TNXB: variants seen among roughly 807,000 people sequenced by gnomAD.
The protein encoded by TNXB is tenascin-X.
TNXB carries 183 observed loss-of-function variants against 340.5 expected under a neutral mutation model. The ratio of observed to expected loss-of-function variants is 0.54; its 90% CI spans 0.48 to 0.61. The LOEUF (loss-of-function observed/expected upper bound fraction) is 0.61. Among genes scored for constraint, TNXB ranks in the 20% least tolerant of loss-of-function variants. The pLI, the probability that TNXB is intolerant of heterozygous loss-of-function variation, is 0.00. For missense variants in TNXB, 4,613 were observed against 5,446.4 expected (o/e 0.85, Z 4.82); for synonymous variants, 2,121 against 2,314.5 (o/e 0.92, Z 2.40).
chr6:32,078,171 G>GCCCAC (rs1249711166), intron 11 of TNXB, among the ~76,000 whole-genome samples: 3 of 152,004 alleles, frequency 2.0e-5, no homozygotes, highest in Non-Finnish European at 4.4e-5. Flanking sequence ...TTGTGGTCAG[G>GCCCAC]CGTGGTGGCT....
Position 32,069,808 on chromosome 6 carries a change from G to A in TNXB, c.5332C>T (p.Leu1778=), listed in dbSNP as rs757479436. 1 of 1,609,984 alleles carries A rather than the reference G, an allele frequency of 6.2e-7. No homozygotes were observed. Among genetic ancestry groups the A allele is most frequent in the Admixed American group, 1.7e-5 (1 of 59,910 alleles). The change falls in exon 15 of 44, where the codon CTG becomes TTG. Residue 1778 remains leucine (L), a synonymous_variant. Coordinates refer to ENST00000644971, the MANE Select transcript of TNXB (RefSeq NM_001365276.2). The surrounding 1 kb of genome is among the most constrained non-coding windows in gnomAD (Gnocchi z 6.2). ...GTGGTCACCTGCAGCTCCTCCCCCA[G>A]ACGGGGTTTTGGGGGACGCTTTGTT... ...TGTKRPPKPR[L]GEELQVTTVT... is the part of the protein sequence containing the mutation.
At position 32,095,629 on chromosome 6, in the gene TNXB, C is replaced by A. The variant is rs372262597; in HGVS notation, c.2224G>T (p.Gly742Cys). ...GSCVCKDGYA[G>C]EDCGEEVPTI... ...TGCTCACCTTCTCCGCAGTCTTCGC[C>A]AGCATACCCATCTTTGCAGACACAG... Residue 742 changes from glycine to cysteine, a missense_variant, in exon 3 of 44, where the codon GGC (glycine) becomes TGC (cysteine). By Grantham distance (159) the Gly-to-Cys change is radical. Transcript: ENST00000644971. 1 of 1,612,892 alleles carries A rather than the reference C, an allele frequency of 6.2e-7. No homozygotes were observed. The highest frequency in any genetic ancestry group is 1.3e-5 in the African/African-American group (1 of 74,924).
chr6:32,067,913 G>A lies in TNXB; in HGVS notation c.6292C>T (p.Leu2098=), dbSNP rs777371028. The A allele has an allele frequency of 1.2e-6, 2 of 1,612,702 alleles. No homozygotes were observed. The highest frequency in any genetic ancestry group is 2.2e-5 in the East Asian group (1 of 44,874). The part of the protein sequence containing the change: ...EAPEPAEEPL[L]GELTVTGSSP... ...GATCCTGTCACTGTTAGCTCCCCCA[G>A]GAGCGGCTCCTCAGCGGGCTCCGGG... Residue 2098 remains leucine (L), a synonymous_variant, in exon 18 of 44, where the codon CTG becomes TTG. Transcript: ENST00000644971. The surrounding 1 kb of genome is among the most constrained non-coding windows in gnomAD (Gnocchi z 4.2).
At chr6:32,056,486 G>A (rs1777651035) in intron 23 of TNXB, 100 bp downstream of exon 23, 3 of 1,523,810 alleles carry the variant, frequency 2.0e-6, no homozygotes, top group Non-Finnish European at 2.7e-6. Context: ...GGTCTGTGGT[G>A]CTGACCGGAC....
Position 32,072,078 on chromosome 6 carries a change from G to A in TNXB, c.4902C>T (p.Asp1634=), listed in dbSNP as rs1314742642. 1 of 1,612,880 alleles carries A rather than the reference G, an allele frequency of 6.2e-7. No individual in the cohort carries two copies. Among genetic ancestry groups the A allele is most frequent in the African/African-American group, 1.3e-5 (1 of 74,890 alleles). ...AADQREVTIP[D]LEPSRKYKFL... Reference sequence around the variant, plus strand: ...ACTTGTACTTGCGGGAGGGTTCCAGGTCAGGGATAGTGACCTCCCGCTGAT... The same window carrying A: ...ACTTGTACTTGCGGGAGGGTTCCAGATCAGGGATAGTGACCTCCCGCTGAT... Residue 1634 remains aspartate, a synonymous_variant, in exon 13 of 44, where the codon GAC becomes GAT. Coordinates refer to ENST00000644971, the MANE Select transcript of TNXB (RefSeq NM_001365276.2). This position sits in a 1 kb window ranked among gnomAD's most constrained non-coding sequence, Gnocchi z 4.4.
chr6:32,105,306 A>G (rs1316972670), intron 1 of TNXB, among the ~76,000 whole-genome samples: 1 of 152,138 alleles, frequency 6.6e-6, no homozygotes, highest in Non-Finnish European at 1.5e-5. Context: ...AGGTCCTCCT[A>G]TCATGTGATA....
In TNXB at chr6:32,096,789, C is replaced by T; in HGVS notation, c.1064G>A (p.Gly355Asp). 6.3e-7 allele frequency: 1 copy of T among 1,578,306 alleles called. No homozygotes were observed. The highest frequency in any genetic ancestry group is 8.6e-7 in the Non-Finnish European group (1 of 1,163,564). The change falls in exon 3 of 44, where the codon GGC becomes GAC. Residue 355 changes from glycine (G) to aspartate (D), a missense_variant. By Grantham distance (94) the Gly-to-Asp change is moderately conservative (BLOSUM62 -1). Around this residue, in one of 7 missense-constraint regions of TNXB, gnomAD observed 4,327 missense variants for 4,859.4 expected, o/e 0.89. Coordinates refer to ENST00000644971, the MANE Select transcript of TNXB (RefSeq NM_001365276.2). The stretch of plus-strand genomic sequence containing the variant: ...GTACCCGGGCCAGCACACGCAGCGG[C>T]CGTCCACGCAGCGCCCGCCCTCGCC... The part of the protein sequence containing the change: ...DCGEGGRCVD[G>D]RCVCWPGYTG...
chr6:32,071,548 T>C (rs774864165), intron 13 of TNXB, among the ~76,000 whole-genome samples: 5 of 150,770 alleles, frequency 3.3e-5, no homozygotes, highest in Non-Finnish European at 5.9e-5. Context: ...CCCACTCTCC[T>C]GGTCCTCATC....
rs1222745863 is a variant in TNXB at position 32,072,746 on chromosome 6, T to C, written c.4682-448A>G. ...GGGTGGATCACCTGAGGTCAGGAGT[T>C]TGAGGCCAGCCTGGCCAACATGGCG... On this transcript the variant is annotated intron_variant, in intron 12 of 43. Transcript: ENST00000644971. The surrounding 1 kb of genome is among the most constrained non-coding windows in gnomAD (Gnocchi z 4.4). Among the ~76,000 whole-genome samples, 3 of 152,238 alleles carry C rather than the reference T, an allele frequency of 2.0e-5. No homozygotes were observed. Among genetic ancestry groups the C allele is most frequent in the Non-Finnish European group, 4.4e-5 (3 of 68,038 alleles).
Position 32,061,701 on chromosome 6 carries a change from G to T in TNXB, c.7188C>A (p.Pro2396=), listed in dbSNP as rs781764484. Residue 2396 remains proline, a synonymous_variant, in exon 21 of 44, where the codon CCC becomes CCA. Coordinates refer to ENST00000644971, the MANE Select transcript of TNXB (RefSeq NM_001365276.2). The surrounding 1 kb of genome is among the most constrained non-coding windows in gnomAD (Gnocchi z 4.4). ...CCTCCATGCTGGGTTCTGTGGGGCT[G>T]GGGGTCTCTTCCTCTGCAGCTGAGA... ...IGVTAAEEET[P]SPTEPSMEAP... The T allele has an allele frequency of 3.1e-6, 5 of 1,611,708 alleles. No homozygotes were observed. The highest frequency in any genetic ancestry group is 4.2e-6 in the Non-Finnish European group (5 of 1,179,046).
At position 32,084,043 on chromosome 6, in the gene TNXB, C is replaced by T. The variant is rs989510153; in HGVS notation, c.3445+370G>A. Reference sequence around the variant, plus strand: ...AAGATAAATATCTAGTCTCATCACTCTCCCACTTTACCCTTCAGAGGCCCT... The same window carrying T: ...AAGATAAATATCTAGTCTCATCACTTTCCCACTTTACCCTTCAGAGGCCCT... On this transcript the variant is annotated intron_variant, in intron 8 of 43. Coordinates refer to ENST00000644971, the MANE Select transcript of TNXB (RefSeq NM_001365276.2). This position sits in a 1 kb window ranked among gnomAD's most constrained non-coding sequence, Gnocchi z 5.5. Among the ~76,000 whole-genome samples, 1 of 152,188 alleles carries T rather than the reference C, an allele frequency of 6.6e-6. No homozygotes were observed. The highest frequency in any genetic ancestry group is 1.5e-5 in the Non-Finnish European group (1 of 68,024).
Position 32,097,947 on chromosome 6 carries a change from G to A in TNXB, c.252C>T (p.Gly84=). ...THRINLPPST[G]CGCPPGTEPP... is the part of the protein sequence containing the mutation. ...GCTCGGTGCCTGGGGGACAGCCACA[G>A]CCAGTGGAAGGGGGCAGGTTAATGC... is the stretch of plus-strand genomic sequence containing the variant. The change falls in exon 2 of 44, where the codon GGC becomes GGT. Residue 84 remains glycine, a synonymous_variant. Transcript: ENST00000644971. The surrounding 1 kb of genome is among the most constrained non-coding windows in gnomAD (Gnocchi z 5.9). The A allele has an allele frequency of 6.3e-7, 1 of 1,597,874 alleles. No individual in the cohort carries two copies. Among genetic ancestry groups the A allele is most frequent in the Non-Finnish European group, 8.5e-7 (1 of 1,170,660 alleles).
chr6:32,070,024 G>C lies in TNXB; in HGVS notation c.5278+103C>G. The C allele has an allele frequency of 7.1e-7, 1 of 1,414,146 alleles. No individual in the cohort carries two copies. Among genetic ancestry groups the C allele is most frequent in the South Asian group, 1.5e-5 (1 of 66,510 alleles). The allele number at this position is 1,414,146 out of a possible 1,614,324, so 87.6% of individuals were successfully genotyped here. A position where few individuals can be genotyped will look rare whatever the true frequency, so the allele number is the denominator to read the frequency against. On this transcript the variant is annotated intron_variant, in intron 14 of 43. Coordinates refer to ENST00000644971, the MANE Select transcript of TNXB (RefSeq NM_001365276.2). This position sits in a 1 kb window ranked among gnomAD's most constrained non-coding sequence, Gnocchi z 6.0. ...GGACGTGGGGAGCTGGATCTGAGCC[G>C]AGTGGCTGGGGCCAAATAATGGTAA...
Position 32,089,058 on chromosome 6 carries a change from T to G in TNXB, c.2516-10A>C. ...TGGGGCCCATCGATCACTAGCCAGG[T>G]TAAAGAGGAGGACTCAGGTGGGTGT... On this transcript the variant is annotated splice_polypyrimidine_tract_variant and intron_variant, in intron 5 of 43. Transcript: ENST00000644971. This position sits in a 1 kb window ranked among gnomAD's most constrained non-coding sequence, Gnocchi z 6.2. 1 of 1,605,658 alleles carries G rather than the reference T, an allele frequency of 6.2e-7. No individual in the cohort carries two copies. Among genetic ancestry groups the G allele is most frequent in the Non-Finnish European group, 8.5e-7 (1 of 1,175,736 alleles).
intron 1 of TNXB, among the ~76,000 whole-genome samples, chr6:32,101,588 CTT>C (rs58601681): frequency 1.0e-4 from 13 of 126,156 alleles, no homozygotes; most frequent in South Asian, 2.7e-4. Context: ...CGCACCCAGC[CTT>C]TTTTTTTTTT....
In TNXB at chr6:32,095,207, G is replaced by T. The variant is rs1429420582; in HGVS notation, c.2243-16C>A. 1.3e-6 allele frequency: 2 copies of T among 1,545,856 alleles called. No individual in the cohort carries two copies. The highest frequency in any genetic ancestry group is 1.8e-6 in the Non-Finnish European group (2 of 1,142,832). On this transcript the variant is annotated splice_polypyrimidine_tract_variant and intron_variant, in intron 3 of 43. Coordinates refer to ENST00000644971, the MANE Select transcript of TNXB (RefSeq NM_001365276.2). ...GTTGGCACCTCTGCCCAAGAGAATG[G>T]GTTAGGGAAAGCTGGTTAGCACAAG...
At chr6:32,095,457 A>G in intron 3 of TNXB, 154 bp downstream of exon 3, 1 of 955,076 alleles carries the variant, frequency 1.0e-6, no homozygotes, top group East Asian at 2.6e-5. Context: ...CCCACTGGAA[A>G]GCCCCACCCC....
Position 32,067,757 on chromosome 6 carries a change from C to A in TNXB, c.6448G>T (p.Val2150Leu), listed in dbSNP as rs373436925. 1.2e-6 allele frequency: 2 copies of A among 1,613,684 alleles called. No individual in the cohort carries two copies. The highest frequency in any genetic ancestry group is 1.7e-5 in the Admixed American group (1 of 60,010). ...TTGCGCCCAGGCTCCAGGCCCCCCA[C>A]GGTGACTTCACTCTCCTCGCCCCCA... ...RVGGEESEVT[V>L]GGLEPGRKYK... Residue 2150 changes from valine to leucine, a missense_variant, in exon 18 of 44, where the codon GTG becomes TTG. Physicochemically the swap from Val to Leu is conservative, Grantham distance 32 (BLOSUM62 1). Transcript: ENST00000644971. This position sits in a 1 kb window ranked among gnomAD's most constrained non-coding sequence, Gnocchi z 4.2.
chr6:32,096,800 G>C lies in TNXB; in HGVS notation c.1053C>G (p.Arg351=), dbSNP rs1780417131. The change falls in exon 3 of 44, where the codon CGC becomes CGG. Residue 351 remains arginine, a synonymous_variant. Coordinates refer to ENST00000644971, the MANE Select transcript of TNXB (RefSeq NM_001365276.2). ...AGCACACGCAGCGGCCGTCCACGCA[G>C]CGCCCGCCCTCGCCACAGTCCCAGG... The part of the protein sequence containing the change: ...SCPWDCGEGG[R]CVDGRCVCWP... 10 of 1,586,182 alleles carry C rather than the reference G, an allele frequency of 6.3e-6. No homozygotes were observed. The highest frequency in any genetic ancestry group is 8.6e-6 in the Non-Finnish European group (10 of 1,167,588).
Sources: allele counts gnomAD v4.1 joint callset (sites outside exome capture counted in the v4.1 genomes callset), GRCh38; gene constraint gnomAD v4.1.1; regional missense constraint gnomAD v4.1.1; non-coding constraint Gnocchi (gnomAD v3.1); transcripts MANE v1.5; gene names NCBI Gene and HGNC (gene_info 2026-07-23, HGNC 2026-07-21).